PTPN13: variants seen among roughly 807,000 people sequenced by gnomAD.
PTPN13 encodes the protein tyrosine-protein phosphatase non-receptor type 13.
Under a neutral mutation model 284.0 loss-of-function variants are expected in PTPN13, and 191 were observed. That is an observed-to-expected ratio of 0.67 (90% CI 0.60 to 0.76). The LOEUF is 0.76. PTPN13 is among the 30% of genes least tolerant of loss of function. The pLI, the probability that PTPN13 is intolerant of heterozygous loss-of-function variation, is 0.00. For synonymous variants in PTPN13, 986 were observed against 1,022.3 expected, an observed-to-expected ratio of 0.96 and a Z score of 0.68; for missense variants, 2,797 against 2,939.9, an observed-to-expected ratio of 0.95 and a Z score of 1.12.
rs1385097008 is a variant in PTPN13 at position 86,758,392 on chromosome 4, A to T, written c.3313+43A>T. 5 of 1,475,574 alleles carry T rather than the reference A, an allele frequency of 3.4e-6. No individual in the cohort carries two copies. In the Admixed American group the frequency reaches 8.9e-5, roughly 26 times the overall value. 91.4% of individuals were successfully genotyped at this position (1,475,574 alleles called of 1,614,324 possible). The stretch of plus-strand genomic sequence containing the variant: ...TCTTGAAGGTCTATGATTGTTGGGG[A>T]TTCAGAGGAAAAGTCTATAGCATAG... On this transcript the variant is annotated intron_variant, in intron 21 of 47. Coordinates refer to ENST00000411767, the MANE Select transcript of PTPN13 (RefSeq NM_080683.3).
intron 40 of PTPN13, among the ~76,000 whole-genome samples, chr4:86,790,887 G>A (rs1021842391): frequency 2.6e-5 from 4 of 152,042 alleles, no homozygotes; most frequent in South Asian, 2.1e-4. Context: ...CAAAATGACC[G>A]AATAGGAACA....
At chr4:86,607,256 A>G (rs1421852442) in intron 1 of PTPN13, among the ~76,000 whole-genome samples, 5 of 151,882 alleles carry the variant, frequency 3.3e-5, no homozygotes, top group Non-Finnish European at 7.4e-5. Context: ...ACTACATGAA[A>G]ATATTTTAAA....
At chr4:86,598,689 TTC>T (rs1764039370) in intron 1 of PTPN13, among the ~76,000 whole-genome samples, 1 of 152,206 alleles carries the variant, frequency 6.6e-6, no homozygotes, top group Non-Finnish European at 1.5e-5. Flanking sequence ...AATAAACAGT[TTC>T]TTTTTTTTCC....
chr4:86,734,281 A>C (rs769163869), intron 12 of PTPN13, 22 bp from the exon 13 acceptor site: 10 of 1,414,056 alleles, frequency 7.1e-6, no homozygotes, highest in Non-Finnish European at 9.4e-6. Flanking sequence ...TTTTATCTGA[A>C]TATTTTTCTC....
chr4:86,796,636 T>C (rs1262289906), intron 40 of PTPN13, among the ~76,000 whole-genome samples: 1 of 152,136 alleles, frequency 6.6e-6, no homozygotes, highest in Non-Finnish European at 1.5e-5. Flanking sequence ...CTCCATCTCT[T>C]TAAAAAAATG....
intron 7 of PTPN13, among the ~76,000 whole-genome samples, chr4:86,715,283 TGTGA>T (rs796775596): frequency 7.2e-4 from 110 of 152,192 alleles, no homozygotes; most frequent in African/African-American, 2.4e-3. Flanking sequence ...AAAATATATG[TGTGA>T]GTATGTGTTC....
intron 23 of PTPN13, among the ~76,000 whole-genome samples, chr4:86,760,266 C>A (rs1247812869): frequency 6.6e-6 from 1 of 152,110 alleles, no homozygotes; most frequent in African/African-American, 2.4e-5. Context: ...ATAATCTAGT[C>A]ACATTAGGCA....
At chr4:86,809,358 C>T (rs1192320292) in intron 45 of PTPN13, among the ~76,000 whole-genome samples, 3 of 152,154 alleles carry the variant, frequency 2.0e-5, no homozygotes, top group Admixed American at 2.0e-4. Flanking sequence ...TTCCTTTGAT[C>T]TGATCCTATA....
intron 17 of PTPN13, among the ~76,000 whole-genome samples, chr4:86,747,451 CCAT>C (rs1373145706): frequency 6.6e-6 from 1 of 152,126 alleles, no homozygotes; most frequent in African/African-American, 2.4e-5. Flanking sequence ...ATTGTCATCA[CCAT>C]CATCAACAAT....
chr4:86,668,668 T>C (rs925586748), intron 2 of PTPN13, among the ~76,000 whole-genome samples: 2 of 151,998 alleles, frequency 1.3e-5, no homozygotes, highest in Non-Finnish European at 2.9e-5. Flanking sequence ...TGATCTTGGC[T>C]TACTGCAACC....
intron 32 of PTPN13, 103 bp downstream of exon 32, chr4:86,773,061 C>CATA (rs1740187316): frequency 2.5e-6 from 2 of 811,630 alleles, no homozygotes; most frequent in Non-Finnish European, 3.7e-6. Flanking sequence ...AAAATAGCTT[C>CATA]ATATGTGTGT....
At chr4:86,632,627 C>A (rs1722588996) in intron 1 of PTPN13, among the ~76,000 whole-genome samples, 1 of 151,606 alleles carries the variant, frequency 6.6e-6, no homozygotes, top group South Asian at 2.1e-4. Flanking sequence ...TAATTTGAAT[C>A]CTTCTTCTTT....
At chr4:86,792,062 G>A (rs1742740867) in intron 40 of PTPN13, among the ~76,000 whole-genome samples, 1 of 151,986 alleles carries the variant, frequency 6.6e-6, no homozygotes, top group South Asian at 2.1e-4. Flanking sequence ...ACTTTCCCAG[G>A]CAAAAGGAGC....
intron 40 of PTPN13, among the ~76,000 whole-genome samples, chr4:86,792,983 T>C (rs932525247): frequency 2.0e-5 from 3 of 152,198 alleles, no homozygotes; most frequent in African/African-American, 4.8e-5. Flanking sequence ...AACATCATAA[T>C]GACAAGATCA....
chr4:86,689,021 A>G lies in PTPN13; in HGVS notation c.377A>G (p.Asp126Gly). The change falls in exon 5 of 48, where the codon GAT becomes GGT. Residue 126 changes from aspartate to glycine, a missense_variant. By Grantham distance (94) the Asp-to-Gly change is moderately conservative. Transcript: ENST00000411767. ...TATATTCAGCCTATTAAGCTTGGAG[A>G]TCATCTCAACAGCATACTGCTTGGA... ...VPQSQPIKLG[D>G]HLNSILLGMC... 1 of 1,564,636 alleles carries G rather than the reference A, an allele frequency of 6.4e-7. No individual in the cohort carries two copies. Among genetic ancestry groups the G allele is most frequent in the Non-Finnish European group, 8.8e-7 (1 of 1,135,150 alleles).
At chr4:86,694,981 A>G (rs1029574361) in intron 6 of PTPN13, among the ~76,000 whole-genome samples, 2 of 152,190 alleles carry the variant, frequency 1.3e-5, no homozygotes, top group Admixed American at 1.3e-4. Flanking sequence ...ATTGTGAAAA[A>G]TAAATGTAGA....
At position 86,775,528 on chromosome 4, in the gene PTPN13, G is replaced by A; in HGVS notation, c.5767G>A (p.Gly1923Ser). Residue 1923 changes from glycine to serine, a missense_variant, in exon 35 of 48, where the codon GGT (glycine) becomes AGT (serine). By Grantham distance (56) the Gly-to-Ser change is moderately conservative (BLOSUM62 0). Coordinates refer to ENST00000411767, the MANE Select transcript of PTPN13 (RefSeq NM_080683.3). ...INPRSVAAIE[G>S]NLQLLDVIHY... Reference sequence around the variant, plus strand: ...TCCAAGGTCCGTCGCAGCCATTGAGGGTAATCTCCAGCTATTAGATGTCAT... The same window carrying A: ...TCCAAGGTCCGTCGCAGCCATTGAGAGTAATCTCCAGCTATTAGATGTCAT... 1 of 1,613,210 alleles carries A rather than the reference G, an allele frequency of 6.2e-7. No homozygotes were observed. Among genetic ancestry groups the A allele is most frequent in the Non-Finnish European group, 8.5e-7 (1 of 1,179,332 alleles).
At chr4:86,635,505 CCTTATCTCTT>C in intron 2 of PTPN13, 134 bp downstream of exon 2, 1 of 1,334,770 alleles carries the variant, frequency 7.5e-7, no homozygotes. Context: ...GGAATACTTT[CCTTATCTCTT>C]TTAGGGCTGA....
At chr4:86,746,780 G>A (rs1467928073) in intron 17 of PTPN13, among the ~76,000 whole-genome samples, 2 of 152,008 alleles carry the variant, frequency 1.3e-5, no homozygotes, top group South Asian at 2.1e-4. Flanking sequence ...ACAGGCACCC[G>A]CCACCACGCC....
Sources: allele counts gnomAD v4.1 joint callset (sites outside exome capture counted in the v4.1 genomes callset), GRCh38; gene constraint gnomAD v4.1.1; transcripts MANE v1.5; gene names NCBI Gene and HGNC (gene_info 2026-07-23, HGNC 2026-07-21).